NUBPL: variants seen among roughly 807,000 people sequenced by gnomAD.
NUBPL encodes iron-sulfur cluster transfer protein NUBPL.
In NUBPL, 31 loss-of-function variants were observed where a neutral mutation model predicts 45.7. The observed-to-expected ratio is 0.68, with a 90% CI of 0.51 to 0.92. The LOEUF is 0.92. NUBPL is among the 40% of genes least tolerant of loss of function. NUBPL has a pLI of 0.00. For missense variants in NUBPL, 401 were observed against 398.7 expected (o/e 1.01, Z -0.05); for synonymous variants, 144 against 140.9 (o/e 1.02, Z -0.15).
At chr14:31,728,121 A>G (rs980811163) in intron 6 of NUBPL, among the ~76,000 whole-genome samples, 1 of 152,120 alleles carries the variant, frequency 6.6e-6, no homozygotes, top group Non-Finnish European at 1.5e-5. Flanking sequence ...TTATTTATAG[A>G]AGGCAGAATT....
intron 7 of NUBPL, among the ~76,000 whole-genome samples, chr14:31,803,037 A>C (rs2039622422): frequency 6.6e-6 from 1 of 152,198 alleles, no homozygotes; most frequent in Non-Finnish European, 1.5e-5. Context: ...TTTTCCTTCC[A>C]TCAGCAGTTT....
At chr14:31,799,689 A>T (rs2039547194) in intron 7 of NUBPL, among the ~76,000 whole-genome samples, 1 of 152,230 alleles carries the variant, frequency 6.6e-6, no homozygotes. Flanking sequence ...ATTGCTAAAA[A>T]TGCTAACAGT....
At chr14:31,793,064 T>G (rs2039411361) in intron 7 of NUBPL, among the ~76,000 whole-genome samples, 1 of 152,208 alleles carries the variant, frequency 6.6e-6, no homozygotes, top group Admixed American at 6.5e-5. Context: ...ACTTTAGAAC[T>G]CTTTTAAGAT....
chr14:31,630,766 A>G (rs531907784), intron 4 of NUBPL, among the ~76,000 whole-genome samples: 2 of 152,136 alleles, frequency 1.3e-5, no homozygotes, highest in Non-Finnish European at 2.9e-5. Flanking sequence ...CCAATGCTCC[A>G]TGTATTGTGA....
At chr14:31,771,446 A>G (rs1387779616) in intron 6 of NUBPL, among the ~76,000 whole-genome samples, 3 of 152,168 alleles carry the variant, frequency 2.0e-5, no homozygotes. Flanking sequence ...CCTACACTGA[A>G]GAAGTAATAT....
intron 7 of NUBPL, among the ~76,000 whole-genome samples, chr14:31,822,231 G>A (rs1174356925): frequency 6.6e-6 from 1 of 151,938 alleles, no homozygotes; most frequent in African/African-American, 2.4e-5. Flanking sequence ...CTGAGGGAAT[G>A]GATACCCCAT....
At chr14:31,815,621 G>T (rs1329023086) in intron 7 of NUBPL, among the ~76,000 whole-genome samples, 1 of 151,954 alleles carries the variant, frequency 6.6e-6, no homozygotes, top group Non-Finnish European at 1.5e-5. Flanking sequence ...GTCATTTTTC[G>T]AAGGGAATGC....
chr14:31,593,241 C>T (rs1282723292), intron 3 of NUBPL, among the ~76,000 whole-genome samples: 1 of 152,008 alleles, frequency 6.6e-6, no homozygotes, highest in Admixed American at 6.6e-5. Flanking sequence ...TGGCCGGGAG[C>T]GGTGGCTCAC....
rs895681862 is a variant in NUBPL at position 31,657,091 on chromosome 14, A to T, written c.383-16264A>T. ...TAAATTGATAATTGCCTAAATATTA[A>T]ATGGCACAGAATGAAATCTTTAATG... is the stretch of plus-strand genomic sequence containing the variant. On this transcript the variant is annotated intron_variant, in intron 4 of 10. Coordinates refer to ENST00000281081, the MANE Select transcript of NUBPL (RefSeq NM_025152.3). 9.2e-5 allele frequency among the ~76,000 whole-genome samples: 14 copies of T among 152,190 alleles called. No homozygotes were observed. In the East Asian group the frequency reaches 2.7e-3, roughly 29 times the overall value.
intron 10 of NUBPL, among the ~76,000 whole-genome samples, chr14:31,857,197 C>T (rs965881041): frequency 2.0e-5 from 3 of 152,182 alleles, no homozygotes; most frequent in Non-Finnish European, 2.9e-5. Context: ...GCTTGAGGCT[C>T]GCTTCACCCT....
intron 6 of NUBPL, among the ~76,000 whole-genome samples, chr14:31,731,730 A>G (rs1276470099): frequency 6.6e-6 from 1 of 152,226 alleles, no homozygotes; most frequent in African/African-American, 2.4e-5. Flanking sequence ...CATTTTGAGA[A>G]CTATCCATTT....
At chr14:31,623,448 T>C (rs1388814063) in intron 4 of NUBPL, among the ~76,000 whole-genome samples, 1 of 152,116 alleles carries the variant, frequency 6.6e-6, no homozygotes. Context: ...GCTGGGGGAA[T>C]GATATTGTTT....
intron 3 of NUBPL, among the ~76,000 whole-genome samples, chr14:31,569,590 G>A (rs921405978): frequency 3.3e-5 from 5 of 152,154 alleles, no homozygotes; most frequent in Admixed American, 2.6e-4. Context: ...ATGTGGATGG[G>A]TAGTATTGCA....
chr14:31,597,740 T>C (rs551635692), intron 3 of NUBPL, among the ~76,000 whole-genome samples: 7 of 152,234 alleles, frequency 4.6e-5, no homozygotes, highest in Admixed American at 2.0e-4. Flanking sequence ...TTATTATTAT[T>C]TGGCAGTAGT....
intron 3 of NUBPL, among the ~76,000 whole-genome samples, chr14:31,572,748 C>T (rs1244486955): frequency 2.0e-5 from 3 of 152,008 alleles, no homozygotes; most frequent in African/African-American, 2.4e-5. Flanking sequence ...CATCATTAGG[C>T]GACTTCATTT....
At chr14:31,652,552 T>G (rs2036035150) in intron 4 of NUBPL, among the ~76,000 whole-genome samples, 1 of 152,246 alleles carries the variant, frequency 6.6e-6, no homozygotes, top group Non-Finnish European at 1.5e-5. Context: ...TAAATATATA[T>G]AAATTTTGTC....
At chr14:31,671,403 G>A (rs1357969559) in intron 4 of NUBPL, among the ~76,000 whole-genome samples, 1 of 152,128 alleles carries the variant, frequency 6.6e-6, no homozygotes, top group Non-Finnish European at 1.5e-5. Context: ...ACCAAATTCA[G>A]CATTCTATAA....
chr14:31,734,270 T>C (rs896483615), intron 6 of NUBPL, among the ~76,000 whole-genome samples: 5 of 152,198 alleles, frequency 3.3e-5, no homozygotes, highest in Non-Finnish European at 7.3e-5. Context: ...AATAATGTCC[T>C]TTTAAGCATG....
intron 4 of NUBPL, among the ~76,000 whole-genome samples, chr14:31,641,845 A>G (rs1406430927): frequency 2.6e-5 from 4 of 152,122 alleles, no homozygotes; most frequent in African/African-American, 7.2e-5. Flanking sequence ...TGCATCTGTT[A>G]CCTCATGTCC....
Sources: gnomAD v4.1 joint callset for allele counts (sites outside exome capture counted in the v4.1 genomes callset) on GRCh38, gnomAD v4.1.1 for gene constraint, MANE v1.5 for transcripts, NCBI Gene and HGNC (gene_info 2026-07-23, HGNC 2026-07-21) for gene names.